The following ARHGAP15 variants were observed in gnomAD, a reference collection of about 807,000 sequenced individuals.
ARHGAP15 encodes Rho GTPase activating protein 15, also known as rho GTPase-activating protein 15.
A neutral mutation model predicts 63.7 loss-of-function variants in ARHGAP15; 51 were observed. The ratio of observed to expected loss-of-function variants is 0.80; its 90% CI spans 0.64 to 1.01. The LOEUF is 1.01. Ranked by LOEUF, ARHGAP15 falls within the 50% of genes least tolerant of loss-of-function variation. The pLI is 0.00. For synonymous variants in ARHGAP15, 191 were observed against 193.8 expected (o/e 0.99, Z 0.12); for missense variants, 560 against 564.6 (o/e 0.99, Z 0.08).
intron 6 of ARHGAP15, among the ~76,000 whole-genome samples, chr2:143,405,746 A>G (rs1461302180): frequency 6.6e-6 from 1 of 151,938 alleles, no homozygotes; most frequent in African/African-American, 2.4e-5. Flanking sequence ...GACTACATAC[A>G]AAGTGCTTGG....
intron 6 of ARHGAP15, among the ~76,000 whole-genome samples, chr2:143,310,876 G>A (rs1043525841): frequency 6.6e-6 from 1 of 151,918 alleles, no homozygotes; most frequent in Non-Finnish European, 1.5e-5. Flanking sequence ...TAGAATTTTG[G>A]AACTATTTCA....
chr2:143,537,443 A>G (rs183797842), intron 10 of ARHGAP15, among the ~76,000 whole-genome samples: 4 of 152,300 alleles, frequency 2.6e-5, no homozygotes. Flanking sequence ...TTAGACATGA[A>G]GTCCTTGCCC....
At chr2:143,137,122 G>C (rs996851985) in intron 1 of ARHGAP15, among the ~76,000 whole-genome samples, 2 of 151,958 alleles carry the variant, frequency 1.3e-5, no homozygotes, top group Admixed American at 1.3e-4. Context: ...TTCATGATTT[G>C]CAAGGACCTC....
At chr2:143,164,385 T>C (rs1183614983) in intron 2 of ARHGAP15, among the ~76,000 whole-genome samples, 2 of 152,072 alleles carry the variant, frequency 1.3e-5, no homozygotes, top group African/African-American at 4.8e-5. Context: ...TGTACAGCAA[T>C]GTGGCAATCT....
intron 9 of ARHGAP15, among the ~76,000 whole-genome samples, chr2:143,492,484 AT>A (rs1205730345): frequency 1.3e-5 from 2 of 152,178 alleles, no homozygotes; most frequent in Non-Finnish European, 2.9e-5. Flanking sequence ...ATGGCTGAGC[AT>A]GGTTGGCTCA....
intron 2 of ARHGAP15, among the ~76,000 whole-genome samples, chr2:143,173,255 A>G (rs1690872108): frequency 6.6e-6 from 1 of 152,110 alleles, no homozygotes; most frequent in Admixed American, 6.6e-5. Context: ...TTTGGATATA[A>G]TTTATAATCA....
chr2:143,739,651 C>T (rs1037538463), intron 13 of ARHGAP15, among the ~76,000 whole-genome samples: 2 of 152,162 alleles, frequency 1.3e-5, no homozygotes, highest in Admixed American at 6.5e-5. Context: ...TACCCTTGAA[C>T]CCACAACTCA....
intron 8 of ARHGAP15, among the ~76,000 whole-genome samples, chr2:143,481,240 A>C (rs1034860638): frequency 6.6e-6 from 1 of 152,136 alleles, no homozygotes; most frequent in Non-Finnish European, 1.5e-5. Flanking sequence ...AGCTGCTAAC[A>C]AAACTATCTA....
intron 6 of ARHGAP15, among the ~76,000 whole-genome samples, chr2:143,258,488 TAG>T (rs1311157445): frequency 1.3e-5 from 2 of 152,124 alleles, no homozygotes; most frequent in East Asian, 1.9e-4. Flanking sequence ...CATCTATGCA[TAG>T]AGTCTCTCAA....
chr2:143,321,489 T>C (rs1298174332), intron 6 of ARHGAP15, among the ~76,000 whole-genome samples: 1 of 152,212 alleles, frequency 6.6e-6, no homozygotes, highest in African/African-American at 2.4e-5. Flanking sequence ...TCTGGTAACT[T>C]CCGGGGGAAA....
intron 8 of ARHGAP15, among the ~76,000 whole-genome samples, chr2:143,449,655 GAAAAC>G (rs1306783592): frequency 4.0e-5 from 6 of 151,876 alleles, no homozygotes; most frequent in African/African-American, 1.5e-4. Context: ...AAATTGCAAA[GAAAAC>G]AAAAGTAGGC....
intron 13 of ARHGAP15, among the ~76,000 whole-genome samples, chr2:143,717,420 C>T (rs1684856105): frequency 6.6e-6 from 1 of 152,206 alleles, no homozygotes; most frequent in Non-Finnish European, 1.5e-5. Flanking sequence ...CTCCCCACTG[C>T]CCATAGGAAT....
chr2:143,546,041 T>C (rs1179814378), intron 10 of ARHGAP15, among the ~76,000 whole-genome samples: 1 of 152,206 alleles, frequency 6.6e-6, no homozygotes, highest in Non-Finnish European at 1.5e-5. Context: ...GAGAAATGTT[T>C]AAGAAAGATC....
chr2:143,497,208 C>A (rs1489009246), intron 9 of ARHGAP15, among the ~76,000 whole-genome samples: 1 of 152,114 alleles, frequency 6.6e-6, no homozygotes, highest in African/African-American at 2.4e-5. Flanking sequence ...CAAAACCTCC[C>A]CTTCCACCCC....
At chr2:143,673,504 G>A (rs1682636377) in intron 12 of ARHGAP15, among the ~76,000 whole-genome samples, 1 of 151,304 alleles carries the variant, frequency 6.6e-6, no homozygotes, top group South Asian at 2.1e-4. Flanking sequence ...CATCATGTTG[G>A]CCAGGCTGGT....
intron 6 of ARHGAP15, among the ~76,000 whole-genome samples, chr2:143,290,733 G>T (rs535576542): frequency 1.3e-5 from 2 of 152,244 alleles, no homozygotes; most frequent in Admixed American, 6.5e-5. Flanking sequence ...CAGGGAGCCT[G>T]AACTGTTTGG....
chr2:143,284,691 T>A (rs1329741236), intron 6 of ARHGAP15, among the ~76,000 whole-genome samples: 1 of 152,152 alleles, frequency 6.6e-6, no homozygotes. Context: ...ATAACCAACA[T>A]TGAGCTAAAC....
chr2:143,378,508 G>A (rs1686912697), intron 6 of ARHGAP15, among the ~76,000 whole-genome samples: 1 of 151,974 alleles, frequency 6.6e-6, no homozygotes, highest in Non-Finnish European at 1.5e-5. Context: ...GATAACAGCG[G>A]TAGTTTATAA....
chr2:143,584,917 T>C (rs1192989316), intron 11 of ARHGAP15, among the ~76,000 whole-genome samples: 1 of 152,202 alleles, frequency 6.6e-6, no homozygotes, highest in African/African-American at 2.4e-5. Context: ...TTGGCTCAAA[T>C]GATTTATATT....
Sources: gnomAD v4.1 joint callset for allele counts (sites outside exome capture counted in the v4.1 genomes callset) on GRCh38, gnomAD v4.1.1 for gene constraint, MANE v1.5 for transcripts, NCBI Gene and HGNC (gene_info 2026-07-23, HGNC 2026-07-21) for gene names.